Variants in DMGDH observed in about 807,000 individuals in gnomAD.
DMGDH encodes dimethylglycine dehydrogenase, mitochondrial.
Under a neutral mutation model 95.2 loss-of-function variants are expected in DMGDH, and 76 were observed. The ratio of observed to expected loss-of-function variants is 0.80; its 90% confidence interval spans 0.66 to 0.97. DMGDH has a LOEUF of 0.97. Among genes scored for constraint, DMGDH ranks in the 50% least tolerant of loss-of-function variants. The probability of loss-of-function intolerance (pLI) is 0.00; values close to 1 mark genes in which losing one functional copy is unlikely to be tolerated. For synonymous variants in DMGDH, 345 were observed against 377.6 expected, an observed-to-expected ratio of 0.91 and a Z score of 1.00; for missense variants, 987 against 1,055.0, an observed-to-expected ratio of 0.94 and a Z score of 0.89.
At chr5:79,030,629 A>G (rs7736348) in intron 10 of DMGDH, 134,734 of 504,296 alleles carry the variant, frequency 0.27, 21,373 homozygotes, top group African/African-American at 0.45. Context: ...CTGGGTGACA[A>G]AGCAAGACTC....
intron 7 of DMGDH, among the ~76,000 whole-genome samples, chr5:79,034,284 T>A (rs1325533186): frequency 3.3e-5 from 5 of 152,288 alleles, no homozygotes; most frequent in Admixed American, 3.3e-4. Context: ...TGAGGACTTG[T>A]GGAAAGAGGT....
chr5:79,050,273 A>AAAATAT (rs1554037270), intron 5 of DMGDH, among the ~76,000 whole-genome samples: 7 of 20,918 alleles, frequency 3.3e-4, no homozygotes, highest in Non-Finnish European at 4.7e-4. Flanking sequence ...AAAAAAAAAA[A>AAAATAT]ATATATATAT....
intron 6 of DMGDH, 81 bp from the exon 7 acceptor site, chr5:79,042,562 CCTA>C: frequency 2.2e-6 from 3 of 1,393,046 alleles, no homozygotes; most frequent in Non-Finnish European, 3.1e-6. Context: ...TCTGACATGG[CCTA>C]CATTTAAAGA....
At chr5:79,009,751 G>T (rs1232535496) in intron 14 of DMGDH, among the ~76,000 whole-genome samples, 1 of 152,030 alleles carries the variant, frequency 6.6e-6, no homozygotes, top group Non-Finnish European at 1.5e-5. Flanking sequence ...AACCAACAAG[G>T]CTCCTGACTT....
At chr5:79,007,252 A>T (rs773585600) in intron 14 of DMGDH, among the ~76,000 whole-genome samples, 1 of 152,258 alleles carries the variant, frequency 6.6e-6, no homozygotes, top group Non-Finnish European at 1.5e-5. Context: ...ACCCTTGAAC[A>T]ATACCACTTT....
Position 79,025,195 on chromosome 5 carries a change from G to A in DMGDH, c.2191-865C>T, listed in dbSNP as rs79001772. 7.4e-3 allele frequency among the ~76,000 whole-genome samples: 1,131 copies of A among 152,294 alleles called. 24 individuals carry two copies. The highest frequency in any genetic ancestry group is 0.026 in the African/African-American group (1,093 of 41,542). On this transcript the variant is annotated intron_variant, in intron 13 of 15. Transcript: ENST00000255189. The stretch of plus-strand genomic sequence containing the variant: ...GCACTGCTGGGAAATCGGAGGGACG[G>A]GAGAAGGAGAAAAGCTCTCCAGAGG...
intron 1 of DMGDH, among the ~76,000 whole-genome samples, chr5:79,067,517 T>C (rs1311341529): frequency 2.0e-5 from 3 of 152,234 alleles, no homozygotes; most frequent in Non-Finnish European, 1.5e-5. Context: ...CCAATCCAAC[T>C]GAACAGCTAT....
intron 12 of DMGDH, among the ~76,000 whole-genome samples, chr5:79,028,070 C>T (rs1402357086): frequency 6.6e-6 from 1 of 151,982 alleles, no homozygotes; most frequent in African/African-American, 2.4e-5. Flanking sequence ...GAACTCCCGA[C>T]CTCAGGTGAT....
chr5:79,008,261 C>T (rs62377917), intron 14 of DMGDH, among the ~76,000 whole-genome samples: 19,779 of 152,070 alleles, frequency 0.13, 1,613 homozygotes, highest in Non-Finnish European at 0.18. Flanking sequence ...GAGCGGGGAT[C>T]GGGGCATTCT....
intron 7 of DMGDH, among the ~76,000 whole-genome samples, chr5:79,036,756 T>C (rs1754357854): frequency 6.6e-6 from 1 of 152,178 alleles, no homozygotes; most frequent in Admixed American, 6.5e-5. Flanking sequence ...AATCAGAATC[T>C]ATAGGAGTAG....
intron 7 of DMGDH, among the ~76,000 whole-genome samples, chr5:79,034,047 G>C (rs534278124): frequency 6.6e-6 from 1 of 152,164 alleles, no homozygotes; most frequent in African/African-American, 2.4e-5. Flanking sequence ...GAAAACTAGG[G>C]GTTGGAGCCA....
intron 4 of DMGDH, among the ~76,000 whole-genome samples, chr5:79,053,120 C>T (rs1364375485): frequency 6.6e-6 from 1 of 152,088 alleles, no homozygotes; most frequent in Non-Finnish European, 1.5e-5. Flanking sequence ...ATAATATATA[C>T]CGCATAACAT....
intron 14 of DMGDH, among the ~76,000 whole-genome samples, chr5:79,017,729 G>A (rs187215950): frequency 1.3e-5 from 2 of 152,288 alleles, no homozygotes; most frequent in Admixed American, 1.3e-4. Flanking sequence ...GCTGACTGTT[G>A]AACAACTCAG....
chr5:79,027,998 G>A (rs528335883), intron 12 of DMGDH, among the ~76,000 whole-genome samples: 4 of 151,980 alleles, frequency 2.6e-5, no homozygotes, highest in South Asian at 2.1e-4. Context: ...GTGCCACCAC[G>A]CCCAGCTAAT....
intron 5 of DMGDH, among the ~76,000 whole-genome samples, chr5:79,048,893 A>G (rs1754755947): frequency 6.6e-6 from 1 of 152,156 alleles, no homozygotes; most frequent in South Asian, 2.1e-4. Context: ...TAGGGAGCAG[A>G]GATCTGGTCT....
Position 78,997,602 on chromosome 5 carries a change from T to C in DMGDH, c.*480A>G, listed in dbSNP as rs1043411730. ...TAAGTTTTACTATTTTCATCACAGA[T>C]ATATCATGAAAAATTAAAACTTTCA... On this transcript the variant is annotated 3_prime_UTR_variant, in exon 16 of 16. Coordinates refer to ENST00000255189, the MANE Select transcript of DMGDH (RefSeq NM_013391.3). The C allele has an allele frequency of 6.0e-5, 10 of 167,104 alleles. No individual in the cohort carries two copies. Among genetic ancestry groups the C allele is most frequent in the Middle Eastern group, 6.2e-3 (2 of 324 alleles). 10.4% of individuals were successfully genotyped at this position (167,104 alleles called of 1,614,324 possible). A position where few individuals can be genotyped will look rare whatever the true frequency, so the allele number is the denominator to read the frequency against.
rs771037679 is a variant in DMGDH, at chr5:79,027,840, C to CTT, written c.2032+591_2032+592dup. 6.1e-3 allele frequency among the ~76,000 whole-genome samples: 670 copies of CTT among 109,444 alleles called. 10 individuals are homozygous for CTT. Among genetic ancestry groups the CTT allele is most frequent in the African/African-American group, 0.023 (601 of 25,740 alleles). 71.8% of individuals were successfully genotyped at this position (109,444 alleles called of 152,430 possible). ...TCAGCCAATCCTCTTCCCCACTTTT[C>CTT]TTTTTTTTTTTTTTTTTTGAGATGC... On this transcript the variant is annotated intron_variant, in intron 12 of 15. Coordinates refer to ENST00000255189, the MANE Select transcript of DMGDH (RefSeq NM_013391.3).
At chr5:79,039,258 C>T (rs1422669006) in intron 7 of DMGDH, among the ~76,000 whole-genome samples, 4 of 152,104 alleles carry the variant, frequency 2.6e-5, no homozygotes, top group African/African-American at 4.8e-5. Context: ...TACATGCACA[C>T]GTATGTTTAT....
At position 79,059,232 on chromosome 5, in the gene DMGDH, A is replaced by G. The variant is rs367779620; in HGVS notation, c.277-3324T>C. Among the ~76,000 whole-genome samples, 19 of 152,368 alleles carry G rather than the reference A, an allele frequency of 1.2e-4. 1 individual carries two copies. The highest frequency in any genetic ancestry group is 6.5e-4 in the Admixed American group (10 of 15,310). Reference sequence around the variant, plus strand: ...GATTAATACATTTCACTATTAAAATATCTGTGCTACCTTAACGTTTGTAAT... The same window carrying G: ...GATTAATACATTTCACTATTAAAATGTCTGTGCTACCTTAACGTTTGTAAT... On this transcript the variant is annotated intron_variant, in intron 2 of 15. Transcript: ENST00000255189.
Sources: allele counts gnomAD v4.1 joint callset (sites outside exome capture counted in the v4.1 genomes callset), GRCh38; gene constraint gnomAD v4.1.1; transcripts MANE v1.5; gene names NCBI Gene and HGNC (gene_info 2026-07-23, HGNC 2026-07-21).